Variants in UBE2E2 observed in about 807,000 individuals in gnomAD.
UBE2E2 encodes the protein ubiquitin conjugating enzyme E2 E2, also known as ubiquitin-conjugating enzyme E2 E2.
UBE2E2 carries 6 observed loss-of-function variants against 24.7 expected under a neutral mutation model. The observed-to-expected ratio is 0.24, with a 90% CI of 0.13 to 0.48. The LOEUF (loss-of-function observed/expected upper bound fraction) is 0.48, where lower values mean the gene tolerates loss of function less well. Ranked by LOEUF, UBE2E2 falls within the 20% of genes least tolerant of loss-of-function variation. UBE2E2 has a pLI of 0.99. For synonymous variants in UBE2E2, 104 were observed against 83.6 expected, an observed-to-expected ratio of 1.24 and a Z score of -1.33; for missense variants, 169 against 245.0, an observed-to-expected ratio of 0.69 and a Z score of 2.07.
chr3:23,255,812 C>T (rs1157335991), intron 3 of UBE2E2, among the ~76,000 whole-genome samples: 2 of 152,116 alleles, frequency 1.3e-5, no homozygotes, highest in African/African-American at 4.8e-5. Flanking sequence ...AGCAAAGCAG[C>T]TTCTGGCCAT....
intron 3 of UBE2E2, among the ~76,000 whole-genome samples, chr3:23,230,808 AAG>A (rs1491327928): frequency 7.2e-5 from 11 of 151,926 alleles, no homozygotes; most frequent in Non-Finnish European, 4.4e-5. Context: ...AAAAAAAAAA[AAG>A]AGTTGGATTT....
At chr3:23,317,818 G>A (rs868466422) in intron 3 of UBE2E2, among the ~76,000 whole-genome samples, 6 of 151,902 alleles carry the variant, frequency 3.9e-5, no homozygotes, top group African/African-American at 7.3e-5. Flanking sequence ...CAGCCAAACC[G>A]TATCAGGAGG....
intron 3 of UBE2E2, among the ~76,000 whole-genome samples, chr3:23,259,315 T>TA (rs1246269760): frequency 1.3e-5 from 2 of 152,236 alleles, no homozygotes; most frequent in African/African-American, 4.8e-5. Flanking sequence ...CGCTAAGTCT[T>TA]ATATTTAAGT....
At chr3:23,346,998 A>C (rs568279614) in intron 3 of UBE2E2, among the ~76,000 whole-genome samples, 3 of 152,286 alleles carry the variant, frequency 2.0e-5, no homozygotes, top group African/African-American at 7.2e-5. Context: ...ACTTAGGGTG[A>C]TATACTATCT....
intron 3 of UBE2E2, among the ~76,000 whole-genome samples, chr3:23,361,187 G>A (rs1326885215): frequency 6.6e-6 from 1 of 152,152 alleles, no homozygotes; most frequent in African/African-American, 2.4e-5. Context: ...ATAGATGTTG[G>A]TGTGAATGTG....
chr3:23,435,421 G>T (rs1170186483), intron 3 of UBE2E2, among the ~76,000 whole-genome samples: 1 of 152,224 alleles, frequency 6.6e-6, no homozygotes, highest in Non-Finnish European at 1.5e-5. Context: ...GTAAGTGGTG[G>T]TTTTGGTCAC....
At chr3:23,325,457 T>G (rs957561759) in intron 3 of UBE2E2, among the ~76,000 whole-genome samples, 5 of 152,220 alleles carry the variant, frequency 3.3e-5, no homozygotes, top group African/African-American at 1.2e-4. Flanking sequence ...CTCTTAAGAT[T>G]TTACTGTTAG....
intron 3 of UBE2E2, among the ~76,000 whole-genome samples, chr3:23,394,510 C>G (rs1376174393): frequency 6.6e-6 from 1 of 152,072 alleles, no homozygotes; most frequent in Non-Finnish European, 1.5e-5. Context: ...GACCGTGCTT[C>G]CTGCCAAGAA....
intron 3 of UBE2E2, among the ~76,000 whole-genome samples, chr3:23,393,260 G>A (rs777348776): frequency 3.9e-5 from 6 of 152,156 alleles, no homozygotes; most frequent in Admixed American, 3.9e-4. Flanking sequence ...AGAAGTATGA[G>A]GGAGAGGAAC....
chr3:23,279,398 G>A (rs560842933), intron 3 of UBE2E2, among the ~76,000 whole-genome samples: 2 of 152,296 alleles, frequency 1.3e-5, no homozygotes, highest in South Asian at 2.1e-4. Flanking sequence ...CAGCATTTAA[G>A]CCTTCCAGGG....
At chr3:23,317,550 T>C (rs754022036) in intron 3 of UBE2E2, among the ~76,000 whole-genome samples, 2 of 152,158 alleles carry the variant, frequency 1.3e-5, no homozygotes, top group Non-Finnish European at 2.9e-5. Context: ...TTAATTGGAC[T>C]TACAGTTCCG....
intron 5 of UBE2E2, among the ~76,000 whole-genome samples, chr3:23,581,856 C>T (rs1312088976): frequency 6.6e-6 from 1 of 152,192 alleles, no homozygotes; most frequent in Non-Finnish European, 1.5e-5. Context: ...TGTCTTTTCT[C>T]CATTTCCTCA....
intron 4 of UBE2E2, among the ~76,000 whole-genome samples, chr3:23,514,112 T>C (rs113457080): frequency 2.3e-3 from 343 of 152,342 alleles, no homozygotes; most frequent in African/African-American, 8.0e-3. Context: ...CTAGGCCTCC[T>C]TTTTGACCTT....
At chr3:23,534,579 A>G (rs189076264) in intron 5 of UBE2E2, among the ~76,000 whole-genome samples, 4 of 152,316 alleles carry the variant, frequency 2.6e-5, no homozygotes, top group South Asian at 4.1e-4. Context: ...CATAAAAATA[A>G]AGTTTCCTAA....
chr3:23,255,079 C>CTTTT (rs202015038), intron 3 of UBE2E2, among the ~76,000 whole-genome samples: 19 of 85,946 alleles, frequency 2.2e-4, no homozygotes, highest in African/African-American at 4.7e-4. Context: ...GAGTAACTTC[C>CTTTT]TTTTTTTTTT....
upstream of UBE2E2, chr3:23,203,244 G>C: frequency 1.0e-6 from 1 of 988,700 alleles, no homozygotes; most frequent in Non-Finnish European, 1.2e-6. Flanking sequence ...CGGGGGCGGC[G>C]GCAGCGGCGG....
At chr3:23,332,674 G>GGTGTGTGTGT (rs3086989) in intron 3 of UBE2E2, among the ~76,000 whole-genome samples, 115 of 108,122 alleles carry the variant, frequency 1.1e-3, no homozygotes, top group African/African-American at 3.3e-3. Flanking sequence ...CAGCCAGTGG[G>GGTGTGTGTGT]GTGTGTGTGT....
chr3:23,372,998 C>T (rs2125342119), intron 3 of UBE2E2, among the ~76,000 whole-genome samples: 1 of 152,238 alleles, frequency 6.6e-6, no homozygotes, highest in East Asian at 1.9e-4. Flanking sequence ...CCTCTACTCC[C>T]TTCTTGGACC....
rs201923897 is a variant in UBE2E2 at position 23,380,216 on chromosome 3, TAA to T, written c.228-119383_228-119382del. ...CACTACCATCCCATTTCTTCTTTAT[TAA>T]AAAAAAAATTATTTTTCTAGAGACA... is the stretch of plus-strand genomic sequence containing the variant. On this transcript the variant is annotated intron_variant, in intron 3 of 5. Coordinates refer to ENST00000396703, the MANE Select transcript of UBE2E2 (RefSeq NM_152653.4). Among the ~76,000 whole-genome samples, 5 of 150,514 alleles carry T rather than the reference TAA, an allele frequency of 3.3e-5. No individual in the cohort carries two copies. The East Asian group carries it at 5.8e-4, about 18-fold the overall frequency.
Sources: allele counts gnomAD v4.1 joint callset (sites outside exome capture counted in the v4.1 genomes callset), GRCh38; gene constraint gnomAD v4.1.1; transcripts MANE v1.5; gene names NCBI Gene and HGNC (gene_info 2026-07-23, HGNC 2026-07-21).